The following RASGRF2 variants were observed in gnomAD, a reference collection of about 807,000 sequenced individuals.
The protein encoded by RASGRF2 is ras-specific guanine nucleotide-releasing factor 2.
RASGRF2 carries 76 observed loss-of-function variants against 151.0 expected under a neutral mutation model. The ratio of observed to expected loss-of-function variants is 0.50; its 90% confidence interval spans 0.42 to 0.61. The LOEUF is 0.61. RASGRF2 is among the 20% of genes least tolerant of loss of function. RASGRF2 has a pLI of 0.00. For synonymous variants in RASGRF2, 504 were observed against 566.5 expected, an observed-to-expected ratio of 0.89 and a Z score of 1.57; for missense variants, 1,148 against 1,564.6, an observed-to-expected ratio of 0.73 and a Z score of 4.49.
At chr5:81,143,226 G>A (rs564792166) in intron 17 of RASGRF2, among the ~76,000 whole-genome samples, 45 of 152,076 alleles carry the variant, frequency 3.0e-4, no homozygotes, top group African/African-American at 9.9e-4. Flanking sequence ...TCCACTCACT[G>A]CAGCCTCTGC....
chr5:80,989,618 A>G (rs1264754343), intron 1 of RASGRF2, among the ~76,000 whole-genome samples: 1 of 152,178 alleles, frequency 6.6e-6, no homozygotes, highest in Non-Finnish European at 1.5e-5. Flanking sequence ...ATGTTTTCAT[A>G]AAGTGCCACA....
intron 19 of RASGRF2, among the ~76,000 whole-genome samples, chr5:81,201,646 C>T (rs982454353): frequency 6.6e-6 from 1 of 152,114 alleles, no homozygotes; most frequent in South Asian, 2.1e-4. Flanking sequence ...TGGTATAACT[C>T]GTGTGGAGTG....
intron 17 of RASGRF2, among the ~76,000 whole-genome samples, chr5:81,138,265 A>T (rs1463301933): frequency 6.6e-6 from 1 of 152,058 alleles, no homozygotes; most frequent in African/African-American, 2.4e-5. Flanking sequence ...TTCTCCAGTG[A>T]TATAGCTTCT....
At chr5:80,987,662 AAG>A (rs772776856) in intron 1 of RASGRF2, among the ~76,000 whole-genome samples, 11 of 152,156 alleles carry the variant, frequency 7.2e-5, no homozygotes, top group Non-Finnish European at 1.3e-4. Flanking sequence ...ACACTGGGGA[AAG>A]AGGGGATAAA....
chr5:81,194,646 C>G (rs1233167922), intron 18 of RASGRF2, among the ~76,000 whole-genome samples: 2 of 152,156 alleles, frequency 1.3e-5, no homozygotes, highest in African/African-American at 2.4e-5. Context: ...CAGTTTTTGT[C>G]TTGTTCCTGG....
chr5:81,051,432 G>C (rs189975488), intron 2 of RASGRF2, among the ~76,000 whole-genome samples: 149 of 152,088 alleles, frequency 9.8e-4, no homozygotes, highest in African/African-American at 3.4e-3. Context: ...ACTAATTTCG[G>C]AGCATTTTCA....
intron 17 of RASGRF2, 89 bp from the exon 18 acceptor site, chr5:81,180,086 T>C: frequency 2.7e-6 from 2 of 738,380 alleles, no homozygotes; most frequent in South Asian, 3.1e-5. Flanking sequence ...GTGAGTTTCG[T>C]TAACCAATGT....
chr5:81,109,028 G>T lies in RASGRF2; in HGVS notation c.1788G>T (p.Met596Ile). 1.2e-6 allele frequency: 2 copies of T among 1,611,450 alleles called. No individual in the cohort carries two copies. The highest frequency in any genetic ancestry group is 2.2e-5 in the South Asian group (2 of 90,920). ...CVDNIRCNGL[M>I]TIVFEENSKV... ...ACAATATACGATGTAATGGTTTAATGACTATAGTGTTTGAAGAGAATTCCA... is the reference window on the plus strand; with the variant it reads ...ACAATATACGATGTAATGGTTTAATTACTATAGTGTTTGAAGAGAATTCCA... The change falls in exon 13 of 27, where the codon ATG becomes ATT. Residue 596 changes from methionine (M) to isoleucine (I), a missense_variant. This residue lies in a region of RASGRF2 where 646 missense variants were observed against 807.4 expected (regional missense o/e 0.80). Transcript: ENST00000265080.
intron 5 of RASGRF2, among the ~76,000 whole-genome samples, chr5:81,077,757 G>A (rs1751979995): frequency 6.6e-6 from 1 of 152,204 alleles, no homozygotes; most frequent in Non-Finnish European, 1.5e-5. Flanking sequence ...GAGAGGAACT[G>A]GAGAGGGTGG....
In RASGRF2 at chr5:81,201,111, C is replaced by T. The variant is rs374438560; in HGVS notation, c.2794-219C>T. 2.8e-4 allele frequency among the ~76,000 whole-genome samples: 43 copies of T among 152,200 alleles called. 1 individual carries two copies. In the South Asian group the frequency reaches 8.5e-3, roughly 30 times the overall value. On this transcript the variant is annotated intron_variant, in intron 18 of 26. Transcript: ENST00000265080. ...AACACTGACTGCACATTTGCACCCC[C>T]TGGGGAGCCCCCAGGGGAGCCTGTC...
rs558940210 is a variant in RASGRF2, at chr5:81,035,147, A to G, written c.289-7730A>G. Among the ~76,000 whole-genome samples the G allele has an allele frequency of 5.3e-5, 8 of 152,286 alleles. No homozygotes were observed. In the East Asian group the frequency reaches 1.5e-3, roughly 29 times the overall value. ...AAAGGATTATAAATCATGCTGCTAT[A>G]AAGACACAAGCACACGTATGTTTAT... On this transcript the variant is annotated intron_variant, in intron 1 of 26. Transcript: ENST00000265080.
chr5:81,147,356 C>T (rs1754029567), intron 17 of RASGRF2, among the ~76,000 whole-genome samples: 1 of 152,030 alleles, frequency 6.6e-6, no homozygotes, highest in Non-Finnish European at 1.5e-5. Flanking sequence ...GTTTATGTAA[C>T]AGTCTGAGGA....
chr5:81,098,445 A>G (rs1176667028), intron 12 of RASGRF2, among the ~76,000 whole-genome samples: 1 of 150,772 alleles, frequency 6.6e-6, no homozygotes, highest in Non-Finnish European at 1.5e-5. Flanking sequence ...CGCCAAGGGA[A>G]TATGCATAGG....
rs371314518 is a variant in RASGRF2, at chr5:81,129,340, A to G, written c.2686+2177A>G. 5.8e-4 allele frequency among the ~76,000 whole-genome samples: 89 copies of G among 152,258 alleles called. 3 individuals are homozygous for G. The South Asian group carries it at 0.017, about 29-fold the overall frequency. The stretch of plus-strand genomic sequence containing the variant: ...TTCTGAACCAATATTCACAATAGTA[A>G]CTAGTAGGTATTATCTGTGTGATTT... On this transcript the variant is annotated intron_variant, in intron 17 of 26. Transcript: ENST00000265080.
In RASGRF2 at chr5:81,086,861, C is replaced by T; in HGVS notation, c.1298C>T (p.Thr433Ile). 6.2e-7 allele frequency: 1 copy of T among 1,614,074 alleles called. No homozygotes were observed. Among genetic ancestry groups the T allele is most frequent in the Non-Finnish European group, 8.5e-7 (1 of 1,179,906 alleles). The stretch of plus-strand genomic sequence containing the variant: ...GTAATGCACGATGAAGTCAGCGACA[C>T]TGAAAACATAAGGAAAAACCTTGCC... ...SRVMHDEVSD[T>I]ENIRKNLAIE... Residue 433 changes from threonine to isoleucine, a missense_variant, in exon 9 of 27, where the codon ACT becomes ATT. Thr to Ile is a moderately conservative substitution (Grantham distance 89, BLOSUM62 -1). Transcript: ENST00000265080.
At chr5:81,035,473 G>A (rs1020078778) in intron 1 of RASGRF2, among the ~76,000 whole-genome samples, 6 of 152,004 alleles carry the variant, frequency 3.9e-5, no homozygotes, top group African/African-American at 1.2e-4. Flanking sequence ...GGGGTGGGGC[G>A]AGTGGGGAGG....
At chr5:81,155,983 C>T (rs1002309649) in intron 17 of RASGRF2, among the ~76,000 whole-genome samples, 4 of 152,142 alleles carry the variant, frequency 2.6e-5, no homozygotes, top group Non-Finnish European at 4.4e-5. Flanking sequence ...TGGGTTCAAG[C>T]CTGCAGCAGA....
intron 1 of RASGRF2, among the ~76,000 whole-genome samples, chr5:81,024,249 A>AT (rs397884951): frequency 0.034 from 2,458 of 71,668 alleles, 145 homozygotes; most frequent in Middle Eastern, 0.048. Context: ...TATTCATATA[A>AT]TTTTTTTTTT....
At chr5:80,969,815 CTT>C (rs10584906) in intron 1 of RASGRF2, among the ~76,000 whole-genome samples, 43 of 76,936 alleles carry the variant, frequency 5.6e-4, no homozygotes, top group African/African-American at 2.6e-3. Flanking sequence ...ACTTCTTCTT[CTT>C]TTTTTTTTTT....
Sources: gnomAD v4.1 joint callset for allele counts (sites outside exome capture counted in the v4.1 genomes callset) on GRCh38, gnomAD v4.1.1 for gene constraint, gnomAD v4.1.1 regional missense constraint, MANE v1.5 for transcripts, NCBI Gene and HGNC (gene_info 2026-07-23, HGNC 2026-07-21) for gene names.